The following ASPRV1 variants were observed in gnomAD, a reference collection of about 807,000 sequenced individuals.
The protein encoded by ASPRV1 is retroviral-like aspartic protease 1.
In ASPRV1, 7 loss-of-function variants were observed where a neutral mutation model predicts 11.0. That is an observed-to-expected ratio of 0.64 (90% CI 0.36 to 1.20). ASPRV1 has a LOEUF of 1.20. Ranked by LOEUF, ASPRV1 falls within the 50% of genes most tolerant of loss-of-function variation. ASPRV1 has a pLI of 0.02. For synonymous variants in ASPRV1, 136 were observed against 138.4 expected (o/e 0.98, Z 0.12); for missense variants, 299 against 320.0 (o/e 0.93, Z 0.50).
chr2:70,063,550 A>G, the ASPRV1 span, among the ~76,000 whole-genome samples: 2 of 152,220 alleles, frequency 1.3e-5, no homozygotes. Flanking sequence ...AGGAAGCTCC[A>G]GGACTACTGC....
At chr2:70,084,761 G>T in the ASPRV1 span, among the ~76,000 whole-genome samples, 7 of 152,112 alleles carry the variant, frequency 4.6e-5, no homozygotes, top group African/African-American at 7.2e-5. Flanking sequence ...TTTCTTAGTG[G>T]TTTTTTTAAA....
upstream of ASPRV1, chr2:69,963,344 T>C (rs1198361867): frequency 4.4e-6 from 2 of 456,412 alleles, no homozygotes; most frequent in South Asian, 1.5e-5. Context: ...TCCAGAGAAA[T>C]GGCCCAGCCA....
At chr2:70,033,998 C>CA in the ASPRV1 span, among the ~76,000 whole-genome samples, 2,675 of 150,846 alleles carry the variant, frequency 0.018, 96 homozygotes, top group African/African-American at 0.062. Context: ...ACTAAAAATA[C>CA]AAAAAATTAG....
chr2:69,939,575 G>A, the ASPRV1 span: 1 of 152,510 alleles, frequency 6.6e-6, no homozygotes, highest in Non-Finnish European at 1.5e-5. Flanking sequence ...TGACTTTGTG[G>A]TTTTATAGAT....
At chr2:70,064,469 A>G in the ASPRV1 span, among the ~76,000 whole-genome samples, 1 of 152,258 alleles carries the variant, frequency 6.6e-6, no homozygotes, top group Admixed American at 6.5e-5. Context: ...GAGTTGTAGG[A>G]TCAAGGCTAA....
At chr2:70,037,666 T>C in the ASPRV1 span, among the ~76,000 whole-genome samples, 2 of 152,174 alleles carry the variant, frequency 1.3e-5, no homozygotes, top group Non-Finnish European at 2.9e-5. Context: ...AAAAGCTCTG[T>C]GTACATTAGA....
At chr2:70,066,124 G>C in the ASPRV1 span, among the ~76,000 whole-genome samples, 1 of 151,922 alleles carries the variant, frequency 6.6e-6, no homozygotes, top group Non-Finnish European at 1.5e-5. Flanking sequence ...CAGGACAATC[G>C]CTTGAAACTG....
chr2:69,961,900 A>T (rs1022401214), upstream of ASPRV1: 5 of 487,352 alleles, frequency 1.0e-5, no homozygotes, highest in African/African-American at 5.8e-5. Flanking sequence ...GACACGGAGG[A>T]TGTGATGACA....
the ASPRV1 span, among the ~76,000 whole-genome samples, chr2:70,042,443 C>G: frequency 6.6e-6 from 1 of 152,142 alleles, no homozygotes; most frequent in African/African-American, 2.4e-5. Context: ...TGTGGAAAGT[C>G]CCTGGTGAGG....
the ASPRV1 span, among the ~76,000 whole-genome samples, chr2:70,029,021 TA>T: frequency 1.3e-5 from 2 of 152,180 alleles, no homozygotes; most frequent in African/African-American, 4.8e-5. Context: ...AGAGAGGCCC[TA>T]AAGTTACTCA....
At chr2:69,936,037 C>A in the ASPRV1 span, among the ~76,000 whole-genome samples, 7 of 152,228 alleles carry the variant, frequency 4.6e-5, no homozygotes, top group East Asian at 1.4e-3. Context: ...TCCAGCCCTT[C>A]TTCCAGTCCC....
chr2:69,935,256 TG>T, the ASPRV1 span: 2 of 849,648 alleles, frequency 2.4e-6, no homozygotes, highest in Non-Finnish European at 4.0e-6. Flanking sequence ...TCGCAAGGCC[TG>T]GGCAACTTCA....
the ASPRV1 span, chr2:69,988,974 C>T: frequency 9.0e-6 from 3 of 335,062 alleles, no homozygotes; most frequent in Non-Finnish European, 1.2e-5. Context: ...AAGGCTGCCA[C>T]CACTAAAGAA....
chr2:69,952,673 T>G, the ASPRV1 span, among the ~76,000 whole-genome samples: 1 of 152,194 alleles, frequency 6.6e-6, no homozygotes, highest in Non-Finnish European at 1.5e-5. Context: ...TTACCTCATC[T>G]GGGGCTGGAT....
the ASPRV1 span, among the ~76,000 whole-genome samples, chr2:70,024,556 C>T: frequency 6.6e-6 from 1 of 152,218 alleles, no homozygotes. Flanking sequence ...GTCAATCTGG[C>T]TCAGCCCCAA....
chr2:70,077,723 C>A, the ASPRV1 span, among the ~76,000 whole-genome samples: 1 of 151,814 alleles, frequency 6.6e-6, no homozygotes, highest in Non-Finnish European at 1.5e-5. Context: ...GGCATGGTGG[C>A]GTCCGCCTGC....
At chr2:70,053,291 G>A in the ASPRV1 span, among the ~76,000 whole-genome samples, 1 of 152,050 alleles carries the variant, frequency 6.6e-6, no homozygotes, top group African/African-American at 2.4e-5. Flanking sequence ...TGAGCATAAT[G>A]CCACAAACAA....
the ASPRV1 span, among the ~76,000 whole-genome samples, chr2:70,039,493 A>G: frequency 1.1e-4 from 17 of 152,252 alleles, no homozygotes; most frequent in African/African-American, 2.4e-5. Flanking sequence ...GGATGACTCC[A>G]GCTAGCTGAT....
chr2:69,957,141 T>G (rs1405007411), downstream of ASPRV1, among the ~76,000 whole-genome samples: 2 of 152,198 alleles, frequency 1.3e-5, no homozygotes, highest in African/African-American at 4.8e-5. Flanking sequence ...ATTACATCAG[T>G]GAACTTCCTG....
Sources: gnomAD v4.1 joint callset for allele counts (sites outside exome capture counted in the v4.1 genomes callset) on GRCh38, gnomAD v4.1.1 for gene constraint, MANE v1.5 for transcripts, NCBI Gene and HGNC (gene_info 2026-07-23, HGNC 2026-07-21) for gene names.